CAPN11: variants seen among roughly 807,000 people sequenced by gnomAD.
CAPN11 encodes the protein calpain-11.
Under a neutral mutation model 105.3 loss-of-function variants are expected in CAPN11, and 108 were observed. The observed-to-expected ratio is 1.03, with a 90% CI of 0.88 to 1.20. The LOEUF (loss-of-function observed/expected upper bound fraction) is 1.20. Ranked by LOEUF, CAPN11 falls within the 50% of genes most tolerant of loss-of-function variation. The probability of loss-of-function intolerance (pLI) is 0.00; values close to 1 mark genes in which losing one functional copy is unlikely to be tolerated. For synonymous variants in CAPN11, 329 were observed against 344.5 expected, an observed-to-expected ratio of 0.96 and a Z score of 0.50; for missense variants, 883 against 924.8, an observed-to-expected ratio of 0.95 and a Z score of 0.59.
intron 12 of CAPN11, chr6:44,177,693 G>T: frequency 2.8e-6 from 1 of 361,130 alleles, no homozygotes; most frequent in South Asian, 3.0e-5. Context: ...CACCATGTTG[G>T]CTAGGCTGGT....
intron 2 of CAPN11, among the ~76,000 whole-genome samples, chr6:44,167,296 C>T (rs566721770): frequency 5.3e-5 from 8 of 151,642 alleles, no homozygotes; most frequent in South Asian, 2.1e-4. Context: ...TTCGGGAGTT[C>T]GAGACCAGCC....
At chr6:44,177,045 G>A (rs1265864922) in intron 11 of CAPN11, 47 bp downstream of exon 11, 8 of 1,589,604 alleles carry the variant, frequency 5.0e-6, no homozygotes, top group South Asian at 2.2e-5. Context: ...AGTGAAGGAT[G>A]GGCCACGGCT....
At chr6:44,164,591 G>A (rs543390439) in intron 1 of CAPN11, among the ~76,000 whole-genome samples, 3 of 152,252 alleles carry the variant, frequency 2.0e-5, no homozygotes, top group East Asian at 1.9e-4. Context: ...AGTTCTGCGC[G>A]GACACCACAG....
intron 19 of CAPN11, among the ~76,000 whole-genome samples, chr6:44,182,483 C>T (rs1773942908): frequency 6.6e-6 from 1 of 152,268 alleles, no homozygotes; most frequent in Non-Finnish European, 1.5e-5. Flanking sequence ...ACAACCCATG[C>T]TTGGAATTAA....
rs760516367 is a variant in CAPN11 at position 44,176,604 on chromosome 6, C to T, written c.1025C>T (p.Ala342Val). The part of the protein sequence containing the change: ...SDSAREWEEV[A>V]SDIQMQLLHK... ...AGTGCCAGGGAGTGGGAAGAGGTGGCCTCAGACATCCAGATGCAGCTGCTG... is the reference window on the plus strand; with the variant it reads ...AGTGCCAGGGAGTGGGAAGAGGTGGTCTCAGACATCCAGATGCAGCTGCTG... Residue 342 changes from alanine (A) to valine (V), a missense_variant, in exon 10 of 23, where the codon GCC becomes GTC. Coordinates refer to ENST00000398776, the MANE Select transcript of CAPN11 (RefSeq NM_007058.4). The T allele has an allele frequency of 1.3e-5, 21 of 1,611,132 alleles. No homozygotes were observed. The South Asian group carries it at 2.3e-4, about 18-fold the overall frequency.
At chr6:44,173,651 C>T (rs1045714995) in intron 7 of CAPN11, among the ~76,000 whole-genome samples, 9 of 151,586 alleles carry the variant, frequency 5.9e-5, no homozygotes, top group Non-Finnish European at 1.3e-4. Context: ...GGCAAGATCT[C>T]GGCTCACTGC....
At position 44,184,302 on chromosome 6, in the gene CAPN11, G is replaced by A. The variant is rs1294319236; in HGVS notation, c.*370G>A. 2 of 312,760 alleles carry A rather than the reference G, an allele frequency of 6.4e-6. No individual in the cohort carries two copies. Among genetic ancestry groups the A allele is most frequent in the Non-Finnish European group, 1.2e-5 (2 of 165,648 alleles). 19.4% of individuals were successfully genotyped at this position (312,760 alleles called of 1,614,324 possible). A position where few individuals can be genotyped will look rare whatever the true frequency, so the allele number is the denominator to read the frequency against. ...CCGTTTCTTACCCTCCATGCTTGCT[G>A]TCCTGCTCACACCTACCTGCTGACC... On this transcript the variant is annotated 3_prime_UTR_variant, in exon 23 of 23. Coordinates refer to ENST00000398776, the MANE Select transcript of CAPN11 (RefSeq NM_007058.4).
At chr6:44,172,182 G>A (rs530290161) in intron 4 of CAPN11, 120 bp from the exon 5 acceptor site, 55 of 592,622 alleles carry the variant, frequency 9.3e-5, no homozygotes, top group Middle Eastern at 9.3e-4. Flanking sequence ...GTGCCTCTCC[G>A]CCGGGGGGGT....
chr6:44,184,119 C>G lies in CAPN11; in HGVS notation c.*187C>G, dbSNP rs1774207848. The G allele has an allele frequency of 1.6e-6, 1 of 618,488 alleles. No individual in the cohort carries two copies. Among genetic ancestry groups the G allele is most frequent in the African/African-American group, 1.8e-5 (1 of 54,268 alleles). 38.3% of individuals were successfully genotyped at this position (618,488 alleles called of 1,614,324 possible). A position where few individuals can be genotyped will look rare whatever the true frequency, so the allele number is the denominator to read the frequency against. ...CAGTGGGACCTCCGTGCCCACTCCC[C>G]CAGCTCAGAGGCTTTCTCTTTTTTC... On this transcript the variant is annotated 3_prime_UTR_variant, in exon 23 of 23. Coordinates refer to ENST00000398776, the MANE Select transcript of CAPN11 (RefSeq NM_007058.4).
At chr6:44,168,979 A>G (rs750103137) in intron 2 of CAPN11, 4 of 475,396 alleles carry the variant, frequency 8.4e-6, no homozygotes, top group South Asian at 6.2e-5. Flanking sequence ...CTGGAGTGCC[A>G]TCACATCTCA....
chr6:44,179,871 C>T (rs896597980), intron 13 of CAPN11, 81 bp from the exon 14 acceptor site: 30 of 1,178,012 alleles, frequency 2.5e-5, no homozygotes, highest in Admixed American at 1.4e-4. Flanking sequence ...CAACCCTGCC[C>T]GGCCAGGCTG....
chr6:44,161,286 A>G (rs752887820), intron 1 of CAPN11, among the ~76,000 whole-genome samples: 6 of 148,948 alleles, frequency 4.0e-5, no homozygotes, highest in Admixed American at 6.8e-5. Flanking sequence ...TGCAACCTCC[A>G]CCTCCCGGGT....
At chr6:44,178,803 G>C (rs2128310918) in intron 12 of CAPN11, among the ~76,000 whole-genome samples, 1 of 150,386 alleles carries the variant, frequency 6.6e-6, no homozygotes, top group Non-Finnish European at 1.5e-5. Context: ...CACACCTGTG[G>C]TCCCAGCTAC....
intron 2 of CAPN11, among the ~76,000 whole-genome samples, chr6:44,168,253 C>T (rs889321215): frequency 3.9e-5 from 6 of 152,178 alleles, no homozygotes; most frequent in South Asian, 2.1e-4. Flanking sequence ...AATAGAATCG[C>T]GCAATATGGG....
chr6:44,182,922 T>C lies in CAPN11; in HGVS notation c.1939-19T>C. On this transcript the variant is annotated intron_variant, in intron 19 of 22. Transcript: ENST00000398776. ...CCATGCCATGCATGTGGCCCTACCA[T>C]ATCTGTCTGTCTCTTCAGGACATCT... The C allele has an allele frequency of 6.3e-7, 1 of 1,583,296 alleles. No individual in the cohort carries two copies. Among genetic ancestry groups the C allele is most frequent in the Non-Finnish European group, 8.6e-7 (1 of 1,157,972 alleles).
chr6:44,182,919 C>T, intron 19 of CAPN11, 22 bp from the exon 20 acceptor site: 2 of 1,570,894 alleles, frequency 1.3e-6, no homozygotes, highest in Non-Finnish European at 8.7e-7. Flanking sequence ...TGTGGCCCTA[C>T]CATATCTGTC....
intron 22 of CAPN11, 52 bp downstream of exon 22, chr6:44,183,815 T>C: frequency 6.3e-7 from 1 of 1,589,966 alleles, no homozygotes; most frequent in South Asian, 1.1e-5. Flanking sequence ...TGCCTGCCCC[T>C]CAACCCCACC....
Position 44,176,849 on chromosome 6 carries a change from A to G in CAPN11, c.1088A>G (p.Gln363Arg), listed in dbSNP as rs1235790966. The G allele has an allele frequency of 6.2e-7, 1 of 1,613,770 alleles. No individual in the cohort carries two copies. The highest frequency in any genetic ancestry group is 1.3e-5 in the African/African-American group (1 of 74,902). Residue 363 changes from glutamine (Q) to arginine (R), a missense_variant, in exon 11 of 23, where the codon CAA becomes CGA. Coordinates refer to ENST00000398776, the MANE Select transcript of CAPN11 (RefSeq NM_007058.4). ...TEDGEFWMSY[Q>R]DFLNNFTLLE... ...CCACCCCACCACAGGATGTCCTACC[A>G]AGATTTCCTGAACAACTTCACGCTC...
chr6:44,183,097 C>G, intron 20 of CAPN11, 22 bp from the exon 21 acceptor site: 2 of 1,601,182 alleles, frequency 1.2e-6, no homozygotes, highest in African/African-American at 2.7e-5. Flanking sequence ...TTCCCCTCCC[C>G]ACTTCTCTCT....
Sources: allele counts gnomAD v4.1 joint callset (sites outside exome capture counted in the v4.1 genomes callset), GRCh38; gene constraint gnomAD v4.1.1; transcripts MANE v1.5; gene names NCBI Gene and HGNC (gene_info 2026-07-23, HGNC 2026-07-21).